The following ITFG2 variants were observed in gnomAD, a reference collection of about 807,000 sequenced individuals.
The protein encoded by ITFG2 is integrin alpha FG-GAP repeat containing 2.
In ITFG2, 36 loss-of-function variants were observed where a neutral mutation model predicts 54.4. The observed-to-expected ratio is 0.66, with a 90% CI of 0.51 to 0.87. The LOEUF (loss-of-function observed/expected upper bound fraction) is 0.87, where lower values mean the gene tolerates loss of function less well. Ranked by LOEUF, ITFG2 falls within the 40% of genes least tolerant of loss-of-function variation. ITFG2 has a pLI of 0.00. For missense variants in ITFG2, 524 were observed against 576.7 expected (o/e 0.91, Z 0.94); for synonymous variants, 211 against 225.4 (o/e 0.94, Z 0.57).
chr12:2,850,978 CTTTTTTTT>C (rs35125854), intron 2 of ITFG2, among the ~76,000 whole-genome samples: 30 of 81,670 alleles, frequency 3.7e-4, no homozygotes, highest in Non-Finnish European at 5.5e-4. Flanking sequence ...GGCCCAGAGT[CTTTTTTTT>C]TTTTTTTTTT....
chr12:2,812,797 G>A lies in ITFG2; in HGVS notation c.37G>A (p.Glu13Lys), dbSNP rs764678751. 6.2e-7 allele frequency: 1 copy of A among 1,612,634 alleles called. No homozygotes were observed. The change falls in exon 1 of 12, where the codon GAG becomes AAG. Residue 13 changes from glutamate (E) to lysine (K), a missense_variant. Physicochemically the swap from Glu to Lys is moderately conservative, Grantham distance 56 (BLOSUM62 1). Transcript: ENST00000228799. ...SVSYVQRVAL[E>K]FSGSLFPHAI... ...TAGCTACGTGCAGCGCGTGGCGCTG[G>A]AGTTCAGCGGGAGCCTCTTCCCGCA...
At chr12:2,857,711 A>G (rs1364736865) in intron 2 of ITFG2, 1 of 152,790 alleles carries the variant, frequency 6.5e-6, no homozygotes, top group East Asian at 1.9e-4. Context: ...TTGAGTAGTT[A>G]GTGTTCTCAA....
intron 2 of ITFG2, among the ~76,000 whole-genome samples, chr12:2,847,053 C>T (rs990658725): frequency 3.3e-5 from 5 of 152,122 alleles, no homozygotes; most frequent in African/African-American, 1.2e-4. Flanking sequence ...ATCCATTCAC[C>T]TTCCAGCTCT....
At position 2,822,697 on chromosome 12, in the gene ITFG2, C is replaced by G. The variant is rs150377981; in HGVS notation, c.949-97C>G. Reference sequence around the variant, plus strand: ...CTCATTTGACAGTTGCGTTTACTGCCGAACCCACGGGTGAAATTCCTCCCC... The same window carrying G: ...CTCATTTGACAGTTGCGTTTACTGCGGAACCCACGGGTGAAATTCCTCCCC... On this transcript the variant is annotated intron_variant, in intron 9 of 11. Transcript: ENST00000228799. The G allele has an allele frequency of 4.8e-5, 51 of 1,052,132 alleles. No individual in the cohort carries two copies. In the Middle Eastern group the frequency reaches 1.9e-3, roughly 39 times the overall value. The allele number at this position is 1,052,132 out of a possible 1,614,324, so 65.2% of individuals were successfully genotyped here. A position where few individuals can be genotyped will look rare whatever the true frequency, so the allele number is the denominator to read the frequency against.
intron 1 of ITFG2, among the ~76,000 whole-genome samples, chr12:2,813,518 G>A (rs1369915392): frequency 2.0e-5 from 3 of 152,190 alleles, no homozygotes; most frequent in Admixed American, 6.5e-5. Context: ...TAATCAAGCT[G>A]TGTAATAGTC....
At chr12:2,848,151 A>T (rs1425024344) in intron 2 of ITFG2, among the ~76,000 whole-genome samples, 2 of 152,208 alleles carry the variant, frequency 1.3e-5, no homozygotes, top group Non-Finnish European at 2.9e-5. Context: ...GAGCCCTGTG[A>T]TGTCTTGATT....
At chr12:2,829,887 G>T (rs184182605), downstream of ITFG2, among the ~76,000 whole-genome samples, 15 of 152,192 alleles carry the variant, frequency 9.9e-5, no homozygotes, top group Non-Finnish European at 1.9e-4. Flanking sequence ...AGACCAGCCT[G>T]ACCAACCTGG....
At position 2,846,029 on chromosome 12, in the gene ITFG2, C is replaced by T. The variant is rs116554831; in HGVS notation, n.300+5034C>T. On this transcript the variant is annotated intron_variant and non_coding_transcript_variant, in intron 2 of 3. Coordinates refer to the ITFG2 transcript ENST00000537710. ...CTGGGGGTTGCCTCGTTAGGGTCCC[C>T]AGGCCCGGAAGGTCGCGTGCTTGCT... 9.5e-3 allele frequency among the ~76,000 whole-genome samples: 1,442 copies of T among 152,264 alleles called. 18 individuals are homozygous for T. Among genetic ancestry groups the T allele is most frequent in the African/African-American group, 0.033 (1,365 of 41,558 alleles).
intron 6 of ITFG2, 48 bp downstream of exon 6, chr12:2,820,920 G>A: frequency 6.3e-7 from 1 of 1,594,432 alleles, no homozygotes. Context: ...ATGGAAGCAG[G>A]ATGGGCTCCC....
At chr12:2,849,251 T>A (rs1296134358) in intron 2 of ITFG2, 2 of 1,535,898 alleles carry the variant, frequency 1.3e-6, no homozygotes, top group Non-Finnish European at 8.7e-7. Flanking sequence ...CCAGGTCTTC[T>A]CTTCCTCTTC....
chr12:2,828,125 C>A, downstream of ITFG2: 1 of 1,399,396 alleles, frequency 7.1e-7, no homozygotes. Flanking sequence ...GTGTCCCTCT[C>A]TACTATGGTT....
At chr12:2,846,323 G>A (rs1004721817) in intron 2 of ITFG2, among the ~76,000 whole-genome samples, 4 of 152,296 alleles carry the variant, frequency 2.6e-5, no homozygotes, top group Middle Eastern at 3.4e-3. Flanking sequence ...AGAGTAGGCA[G>A]CTTGTTTTCA....
chr12:2,850,290 A>G (rs1410084292), intron 2 of ITFG2, among the ~76,000 whole-genome samples: 1 of 152,098 alleles, frequency 6.6e-6, no homozygotes, highest in Non-Finnish European at 1.5e-5. Context: ...CCTGGCCGAC[A>G]TGATGAAACT....
intron 5 of ITFG2, 49 bp downstream of exon 5, chr12:2,820,274 G>C: frequency 6.6e-7 from 1 of 1,513,424 alleles, no homozygotes; most frequent in Non-Finnish European, 8.8e-7. Flanking sequence ...TGGGAGGAAG[G>C]TCTCCTGGAG....
chr12:2,840,342 A>G (rs1229634156), intron 1 of ITFG2, among the ~76,000 whole-genome samples: 1 of 151,518 alleles, frequency 6.6e-6, no homozygotes, highest in African/African-American at 2.4e-5. Context: ...AGTCCCAGCT[A>G]CTCGGGAGAT....
intron 2 of ITFG2, chr12:2,857,121 G>C: frequency 1.4e-6 from 1 of 701,806 alleles, no homozygotes; most frequent in Non-Finnish European, 2.6e-6. Flanking sequence ...GATGCTGCTT[G>C]AGTGGTGATG....
intron 2 of ITFG2, among the ~76,000 whole-genome samples, chr12:2,851,142 G>A (rs533654100): frequency 2.0e-5 from 3 of 150,972 alleles, no homozygotes; most frequent in African/African-American, 4.9e-5. Context: ...CAGCCTGGGC[G>A]ACAAGAGCGA....
intron 2 of ITFG2, chr12:2,854,984 C>T (rs2153929581): frequency 2.0e-5 from 30 of 1,536,264 alleles, no homozygotes; most frequent in Non-Finnish European, 2.6e-5. Context: ...TTCTCCACCT[C>T]CTTCAACTCC....
At chr12:2,850,117 C>G (rs192354640) in intron 2 of ITFG2, among the ~76,000 whole-genome samples, 1 of 152,278 alleles carries the variant, frequency 6.6e-6, no homozygotes, top group Admixed American at 6.5e-5. Context: ...ACAACCCACC[C>G]ACACTGCCCT....
Sources: gnomAD v4.1 joint callset for allele counts (sites outside exome capture counted in the v4.1 genomes callset) on GRCh38, gnomAD v4.1.1 for gene constraint, MANE v1.5 for transcripts, NCBI Gene and HGNC (gene_info 2026-07-23, HGNC 2026-07-21) for gene names.